The following ACACB variants were observed in gnomAD, a reference collection of about 807,000 sequenced individuals.
ACACB encodes the protein acetyl-CoA carboxylase beta.
In ACACB, 209 loss-of-function variants were observed where a neutral mutation model predicts 278.8. That is an observed-to-expected ratio of 0.75 (90% CI 0.67 to 0.84). The LOEUF is 0.84. Ranked by LOEUF, ACACB falls within the 40% of genes least tolerant of loss-of-function variation. ACACB has a pLI of 0.00. For synonymous variants in ACACB, 1,174 were observed against 1,285.6 expected, an observed-to-expected ratio of 0.91 and a Z score of 1.86; for missense variants, 2,850 against 3,269.0, an observed-to-expected ratio of 0.87 and a Z score of 3.13.
intron 17 of ACACB, among the ~76,000 whole-genome samples, chr12:109,198,926 G>A (rs540380768): frequency 6.6e-6 from 1 of 152,028 alleles, no homozygotes; most frequent in Non-Finnish European, 1.5e-5. Flanking sequence ...AGTGGCTCAC[G>A]TCTGTAATCC....
In ACACB at chr12:109,191,367, C is replaced by G. The variant is rs989957366; in HGVS notation, c.2145-246C>G. The G allele has an allele frequency of 5.0e-5, 19 of 376,440 alleles. No homozygotes were observed. The Admixed American group carries it at 5.5e-4, about 11-fold the overall frequency. The allele number at this position is 376,440 out of a possible 1,614,324, so 23.3% of individuals were successfully genotyped here. A position where few individuals can be genotyped will look rare whatever the true frequency, so the allele number is the denominator to read the frequency against. On this transcript the variant is annotated intron_variant, in intron 13 of 52. Transcript: ENST00000338432. ...TAGCTGAGATTACAGGCGTCCTCCA[C>G]CATGCTGAGCTAAGTTTTGTATTTT...
intron 6 of ACACB, 102 bp from the exon 7 acceptor site, chr12:109,174,030 G>C (rs897878604): frequency 1.1e-6 from 1 of 914,122 alleles, no homozygotes; most frequent in Non-Finnish European, 1.6e-6. Flanking sequence ...TCTGTCATCT[G>C]CTCCTTACCT....
At chr12:109,240,348 G>A (rs1232535558) in intron 35 of ACACB, among the ~76,000 whole-genome samples, 3 of 151,966 alleles carry the variant, frequency 2.0e-5, no homozygotes, top group Non-Finnish European at 4.4e-5. Context: ...GGCTCTTCAC[G>A]AGCAGACAGA....
In ACACB at chr12:109,262,354, A is replaced by C. The variant is rs1209847950; in HGVS notation, c.6675-3A>C. The C allele has an allele frequency of 6.2e-7, 1 of 1,610,836 alleles. No homozygotes were observed. The highest frequency in any genetic ancestry group is 8.5e-7 in the Non-Finnish European group (1 of 1,177,858). On this transcript the variant is annotated splice_polypyrimidine_tract_variant and splice_region_variant and intron_variant, in intron 48 of 52. Transcript: ENST00000338432. ...CCCCCATCCCTGCCTCTTCTCTTTT[A>C]AGGGGTGGTGTTCTGGAACCAGAGG...
At chr12:109,213,638 A>G (rs536695038) in intron 22 of ACACB, among the ~76,000 whole-genome samples, 3 of 152,118 alleles carry the variant, frequency 2.0e-5, no homozygotes, top group Admixed American at 2.0e-4. Context: ...TCTGTCGGCC[A>G]GGCTGGAGTG....
intron 1 of ACACB, among the ~76,000 whole-genome samples, chr12:109,133,257 T>G (rs2042877722): frequency 6.6e-6 from 1 of 151,904 alleles, no homozygotes. Context: ...TCTCTCTCTC[T>G]CTCTCTCTCG....
intron 21 of ACACB, among the ~76,000 whole-genome samples, chr12:109,210,255 A>ACG (rs1555223042): frequency 6.8e-4 from 11 of 16,076 alleles, no homozygotes; most frequent in Non-Finnish European, 1.1e-3. Flanking sequence ...ATATACACAC[A>ACG]TGTGTGTATA....
chr12:109,262,950 T>TATATATATATATATATATATA (rs2047417089), intron 49 of ACACB: 1 of 62,470 alleles, frequency 1.6e-5, no homozygotes, highest in African/African-American at 3.8e-5. Flanking sequence ...CTTTTTAACA[T>TATATATATATATATATATATA]TATATATATA....
At chr12:109,196,452 G>A (rs758969081) in intron 16 of ACACB, among the ~76,000 whole-genome samples, 1 of 152,084 alleles carries the variant, frequency 6.6e-6, no homozygotes, top group Non-Finnish European at 1.5e-5. Flanking sequence ...CTGTCCTTTC[G>A]CTATGTCCTT....
At chr12:109,264,837 G>A (rs576513113) in intron 50 of ACACB, among the ~76,000 whole-genome samples, 19 of 152,126 alleles carry the variant, frequency 1.2e-4, no homozygotes, top group African/African-American at 4.3e-4. Context: ...TGCCTCACAC[G>A]AGCCTGTGTT....
At chr12:109,149,557 C>T (rs1177700258) in intron 2 of ACACB, among the ~76,000 whole-genome samples, 1 of 152,114 alleles carries the variant, frequency 6.6e-6, no homozygotes, top group East Asian at 1.9e-4. Flanking sequence ...GTACCCCAGC[C>T]TGAGCAACAG....
chr12:109,196,894 T>C, intron 16 of ACACB, 114 bp from the exon 17 acceptor site: 1 of 1,229,368 alleles, frequency 8.1e-7, no homozygotes. Flanking sequence ...ACGGGGGTGT[T>C]CATCTTGGCC....
At chr12:109,147,240 T>G (rs181178381) in intron 2 of ACACB, among the ~76,000 whole-genome samples, 3 of 152,182 alleles carry the variant, frequency 2.0e-5, no homozygotes, top group Admixed American at 6.5e-5. Context: ...GTTTGTTTGT[T>G]TGTTTGTTTT....
In ACACB at chr12:109,145,031, G is replaced by T. The variant is rs1264873300; in HGVS notation, c.653+4973G>T. Among the ~76,000 whole-genome samples the T allele has an allele frequency of 2.6e-5, 4 of 152,126 alleles. No individual in the cohort carries two copies. The East Asian group carries it at 5.8e-4, about 22-fold the overall frequency. On this transcript the variant is annotated intron_variant, in intron 2 of 52. Coordinates refer to ENST00000338432, the MANE Select transcript of ACACB (RefSeq NM_001093.4). ...CTGTCTAGGCCTCCCAAAGTGCTGG[G>T]ATTACAGGCGTGAGCCACTGCGCCC...
At chr12:109,239,255 G>C (rs1593671591) in intron 34 of ACACB, among the ~76,000 whole-genome samples, 1 of 152,156 alleles carries the variant, frequency 6.6e-6, no homozygotes, top group Non-Finnish European at 1.5e-5. Flanking sequence ...GGTATGGTGA[G>C]GCCAACAGAT....
chr12:109,230,164 T>A (rs182681486), intron 28 of ACACB, among the ~76,000 whole-genome samples: 1 of 152,350 alleles, frequency 6.6e-6, no homozygotes, highest in African/African-American at 2.4e-5. Context: ...TTAAAATAAC[T>A]TTCTTTTCCT....
intron 28 of ACACB, among the ~76,000 whole-genome samples, chr12:109,228,851 A>T (rs1047000151): frequency 6.6e-6 from 1 of 152,128 alleles, no homozygotes; most frequent in African/African-American, 2.4e-5. Context: ...GCACAAAGGA[A>T]GTTGTTGACT....
At chr12:109,146,297 T>C (rs551402039) in intron 2 of ACACB, among the ~76,000 whole-genome samples, 90 of 152,366 alleles carry the variant, frequency 5.9e-4, no homozygotes, top group African/African-American at 2.1e-3. Context: ...TGCAGTTTCC[T>C]TGGGCAGTCA....
chr12:109,215,638 G>A (rs1036936193), intron 22 of ACACB, among the ~76,000 whole-genome samples: 5 of 152,008 alleles, frequency 3.3e-5, no homozygotes, highest in African/African-American at 1.2e-4. Context: ...GGTGGCAGGC[G>A]CCTGTAGTCC....
Sources: gnomAD v4.1 joint callset for allele counts (sites outside exome capture counted in the v4.1 genomes callset) on GRCh38, gnomAD v4.1.1 for gene constraint, MANE v1.5 for transcripts, NCBI Gene and HGNC (gene_info 2026-07-23, HGNC 2026-07-21) for gene names.